Variants in ACTR3C observed in about 807,000 individuals in gnomAD.
ACTR3C encodes actin related protein 3C.
ACTR3C carries 18 observed loss-of-function variants against 26.3 expected under a neutral mutation model. The observed-to-expected ratio is 0.68, with a 90% CI of 0.47 to 1.01. ACTR3C has a LOEUF of 1.01. ACTR3C is among the 50% of genes least tolerant of loss of function. The pLI is 0.00. For missense variants in ACTR3C, 184 were observed against 250.7 expected (o/e 0.73, Z 1.80); for synonymous variants, 55 against 94.5 (o/e 0.58, Z 2.42).
the ACTR3C span, among the ~76,000 whole-genome samples, chr7:150,000,080 A>G: frequency 0.32 from 44,989 of 142,234 alleles, 7,550 homozygotes; most frequent in Non-Finnish European, 0.37. Flanking sequence ...TTAATCTATT[A>G]TTTATAAGAT....
chr7:150,079,902 G>A, the ACTR3C span, among the ~76,000 whole-genome samples: 8 of 152,086 alleles, frequency 5.3e-5, no homozygotes, highest in South Asian at 2.1e-4. Context: ...CATGTGTTAC[G>A]TAGCAGGTCT....
At chr7:150,236,372 T>A in the ACTR3C span, among the ~76,000 whole-genome samples, 117 of 152,296 alleles carry the variant, frequency 7.7e-4, no homozygotes, top group Admixed American at 1.6e-3. Flanking sequence ...TGCCCAACAC[T>A]CATACCAAGT....
the ACTR3C span, among the ~76,000 whole-genome samples, chr7:150,231,350 C>T: frequency 6.6e-6 from 1 of 151,794 alleles, no homozygotes; most frequent in Admixed American, 6.6e-5. Context: ...AGAGTAATGC[C>T]CTCCCTTGGT....
chr7:149,972,007 C>T, the ACTR3C span, among the ~76,000 whole-genome samples: 9 of 152,194 alleles, frequency 5.9e-5, no homozygotes, highest in Non-Finnish European at 1.0e-4. Context: ...TATGGTCATT[C>T]ATTTCCAGGT....
the ACTR3C span, chr7:149,892,137 CT>C: frequency 5.8e-6 from 5 of 860,300 alleles, no homozygotes; most frequent in Non-Finnish European, 1.7e-6. Flanking sequence ...ACCACCACCT[CT>C]ATTCAAACAT....
chr7:150,018,727 G>A, the ACTR3C span, among the ~76,000 whole-genome samples: 2 of 150,030 alleles, frequency 1.3e-5, no homozygotes, highest in Non-Finnish European at 1.5e-5. Context: ...TAAGTGCTTT[G>A]TTGAGCTCTA....
chr7:150,126,475 C>T, the ACTR3C span, among the ~76,000 whole-genome samples: 2 of 152,292 alleles, frequency 1.3e-5, no homozygotes, highest in Non-Finnish European at 2.9e-5. Context: ...TCCATGGTCA[C>T]AATTCCACAT....
At chr7:149,989,671 A>T in the ACTR3C span, among the ~76,000 whole-genome samples, 1 of 152,112 alleles carries the variant, frequency 6.6e-6, no homozygotes. Flanking sequence ...TTTCTTATCC[A>T]TTCATCTGTG....
the ACTR3C span, among the ~76,000 whole-genome samples, chr7:150,068,682 C>T: frequency 1.4e-5 from 2 of 146,490 alleles, no homozygotes; most frequent in East Asian, 2.0e-4. Flanking sequence ...ACTCGGGAGG[C>T]TGAGGCAGGA....
the ACTR3C span, among the ~76,000 whole-genome samples, chr7:150,040,919 A>C: frequency 2.0e-5 from 3 of 149,876 alleles, 1 homozygote; most frequent in African/African-American, 7.6e-5. Flanking sequence ...GAGTCAGCTT[A>C]TTTGCTTCTT....
At chr7:150,251,209 C>A (rs1456396852) in intron 6 of ACTR3C, among the ~76,000 whole-genome samples, 3 of 152,170 alleles carry the variant, frequency 2.0e-5, no homozygotes, top group African/African-American at 7.2e-5. Flanking sequence ...ATTCAATGGT[C>A]GTTTATTGTC....
Position 150,247,553 on chromosome 7 carries a change from T to C in ACTR3C, c.*55A>G, listed in dbSNP as rs370094807. ...AAAGAAAAGGGAGAGGAAGAGAACA[T>C]TGCTGGCCTTGGAAATCTGAAAAAC... On this transcript the variant is annotated 3_prime_UTR_variant, in exon 8 of 8. Coordinates refer to ENST00000683684, the MANE Select transcript of ACTR3C (RefSeq NM_001164458.2). 93 of 134,984 alleles carry C rather than the reference T, an allele frequency of 6.9e-4. 1 individual carries two copies. In the East Asian group the frequency reaches 0.016, roughly 23 times the overall value. The allele number at this position is 134,984 out of a possible 1,614,324, so 8.4% of individuals were successfully genotyped here. A position where few individuals can be genotyped will look rare whatever the true frequency, so the allele number is the denominator to read the frequency against.
the ACTR3C span, among the ~76,000 whole-genome samples, chr7:149,915,976 G>A: frequency 1.3e-5 from 2 of 150,524 alleles, no homozygotes; most frequent in East Asian, 1.9e-4. Context: ...TGCCATAAAC[G>A]GATATATAAT....
At chr7:150,019,332 G>C in the ACTR3C span, among the ~76,000 whole-genome samples, 1 of 150,078 alleles carries the variant, frequency 6.7e-6, no homozygotes, top group Non-Finnish European at 1.5e-5. Context: ...AGTAGCTCAT[G>C]CCTGTAATCC....
At chr7:150,189,165 A>G in the ACTR3C span, among the ~76,000 whole-genome samples, 1 of 151,560 alleles carries the variant, frequency 6.6e-6, no homozygotes, top group East Asian at 1.9e-4. Context: ...ATACATATAA[A>G]GTAGCTTCAG....
chr7:150,032,183 C>T, the ACTR3C span, among the ~76,000 whole-genome samples: 2 of 152,168 alleles, frequency 1.3e-5, no homozygotes, highest in Admixed American at 1.3e-4. Context: ...CATGATAATG[C>T]TATGGAAATT....
the ACTR3C span, among the ~76,000 whole-genome samples, chr7:149,922,969 G>GTTTTTTT: frequency 4.3e-5 from 1 of 23,106 alleles, no homozygotes; most frequent in African/African-American, 1.2e-4. Context: ...GAAATAAAAG[G>GTTTTTTT]CTTTTTTTTT....
the ACTR3C span, among the ~76,000 whole-genome samples, chr7:150,085,968 T>G: frequency 6.7e-6 from 1 of 149,694 alleles, no homozygotes; most frequent in African/African-American, 2.6e-5. Flanking sequence ...ATTTTTTTTT[T>G]CTTTTTTCTT....
At chr7:150,020,563 C>A in the ACTR3C span, among the ~76,000 whole-genome samples, 1 of 151,932 alleles carries the variant, frequency 6.6e-6, no homozygotes, top group Non-Finnish European at 1.5e-5. Flanking sequence ...ATTTGTTTCA[C>A]GCCATGCTTA....
Sources: allele counts gnomAD v4.1 joint callset (sites outside exome capture counted in the v4.1 genomes callset), GRCh38; gene constraint gnomAD v4.1.1; transcripts MANE v1.5; gene names NCBI Gene and HGNC (gene_info 2026-07-23, HGNC 2026-07-21).